Variants in ZFPM2 observed in about 807,000 individuals in gnomAD.
ZFPM2 encodes zinc finger protein ZFPM2.
Under a neutral mutation model 98.6 loss-of-function variants are expected in ZFPM2, and 20 were observed. The observed-to-expected ratio is 0.20, with a 90% CI of 0.14 to 0.29. The LOEUF (loss-of-function observed/expected upper bound fraction) is 0.29, where lower values mean the gene tolerates loss of function less well. Ranked by LOEUF, ZFPM2 falls within the 10% of genes least tolerant of loss-of-function variation. ZFPM2 has a pLI of 1.00. For missense variants in ZFPM2, 1,310 were observed against 1,388.6 expected, an observed-to-expected ratio of 0.94 and a Z score of 0.90; for synonymous variants, 518 against 502.7, an observed-to-expected ratio of 1.03 and a Z score of -0.41.
chr8:105,549,518 T>TCTTCCTTCCTTC (rs766530405), intron 3 of ZFPM2, among the ~76,000 whole-genome samples: 2,082 of 48,472 alleles, frequency 0.043, 68 homozygotes, highest in African/African-American at 0.11. Flanking sequence ...CTCCCTCCCA[T>TCTTCCTTCCTTC]CTTCCTTCCT....
intron 3 of ZFPM2, chr8:105,451,537 A>G (rs1342387265): frequency 6.6e-6 from 1 of 152,200 alleles, no homozygotes; most frequent in Non-Finnish European, 1.5e-5. Context: ...TTAATCCAGT[A>G]TAACTGCTCT....
At chr8:105,596,414 A>G (rs1246702500) in intron 4 of ZFPM2, among the ~76,000 whole-genome samples, 4 of 152,066 alleles carry the variant, frequency 2.6e-5, no homozygotes, top group Admixed American at 6.6e-5. Flanking sequence ...TGAAAGTTAC[A>G]TATTTCTCCA....
intron 4 of ZFPM2, among the ~76,000 whole-genome samples, chr8:105,632,730 A>G (rs1816776439): frequency 6.6e-6 from 1 of 152,182 alleles, no homozygotes; most frequent in Non-Finnish European, 1.5e-5. Flanking sequence ...TCTTTTTCGC[A>G]AGGCTTTTAG....
chr8:105,385,000 T>C (rs1389727311), intron 1 of ZFPM2, among the ~76,000 whole-genome samples: 1 of 152,224 alleles, frequency 6.6e-6, no homozygotes, highest in Non-Finnish European at 1.5e-5. Context: ...TTATTGTCTC[T>C]GTTTTATCGA....
intron 1 of ZFPM2, among the ~76,000 whole-genome samples, chr8:105,384,907 C>T (rs1810953896): frequency 6.6e-6 from 1 of 152,146 alleles, no homozygotes; most frequent in African/African-American, 2.4e-5. Context: ...ACAGTGCTCA[C>T]TGTGTCCCAA....
intron 1 of ZFPM2, among the ~76,000 whole-genome samples, chr8:105,333,436 A>T (rs1434762498): frequency 6.6e-6 from 1 of 151,776 alleles, no homozygotes; most frequent in Non-Finnish European, 1.5e-5. Context: ...ATTCATATGC[A>T]TTAGCTTAGT....
chr8:105,651,654 C>T (rs1817179489), intron 5 of ZFPM2, among the ~76,000 whole-genome samples: 1 of 152,070 alleles, frequency 6.6e-6, no homozygotes, highest in African/African-American at 2.4e-5. Flanking sequence ...AGATCCAGCC[C>T]AGGGTGGGTA....
At chr8:105,395,135 A>G (rs554502598) in intron 1 of ZFPM2, among the ~76,000 whole-genome samples, 3 of 152,294 alleles carry the variant, frequency 2.0e-5, no homozygotes, top group African/African-American at 7.2e-5. Flanking sequence ...TCTGCAAAGA[A>G]TGTCCCCAGG....
chr8:105,352,875 A>G (rs1419771282), intron 1 of ZFPM2, among the ~76,000 whole-genome samples: 2 of 152,000 alleles, frequency 1.3e-5, no homozygotes, highest in African/African-American at 2.4e-5. Context: ...CAGCTAACCT[A>G]CCTACCTACC....
intron 3 of ZFPM2, among the ~76,000 whole-genome samples, chr8:105,537,178 G>A (rs1287844687): frequency 1.3e-5 from 2 of 151,542 alleles, no homozygotes; most frequent in African/African-American, 2.4e-5. Flanking sequence ...TGACCCAGTC[G>A]TGCCAGTGAT....
At chr8:105,577,089 A>C in intron 4 of ZFPM2, among the ~76,000 whole-genome samples, 1 of 152,204 alleles carries the variant, frequency 6.6e-6, no homozygotes, top group East Asian at 1.9e-4. Context: ...TTCTTTCTTT[A>C]ATGTTTTGTA....
chr8:105,786,129 A>C (rs942384429), intron 5 of ZFPM2, among the ~76,000 whole-genome samples: 1 of 150,670 alleles, frequency 6.6e-6, no homozygotes, highest in Non-Finnish European at 1.5e-5. Context: ...TGACTTTTCT[A>C]TAATTCTTAA....
chr8:105,512,929 T>G (rs1180027639), intron 3 of ZFPM2, among the ~76,000 whole-genome samples: 1 of 152,190 alleles, frequency 6.6e-6, no homozygotes, highest in African/African-American at 2.4e-5. Context: ...TTTTTCACCT[T>G]TTAAATGTAG....
intron 4 of ZFPM2, among the ~76,000 whole-genome samples, chr8:105,596,487 T>C (rs1401117907): frequency 1.3e-5 from 2 of 152,056 alleles, no homozygotes; most frequent in African/African-American, 4.8e-5. Flanking sequence ...TGTTCTGGTA[T>C]GCCATACCTA....
chr8:105,745,685 G>T (rs1216254923), intron 5 of ZFPM2, among the ~76,000 whole-genome samples: 1 of 152,186 alleles, frequency 6.6e-6, no homozygotes, highest in East Asian at 1.9e-4. Flanking sequence ...GTTCATCCCA[G>T]TTGTGATTTT....
At chr8:105,362,309 G>A (rs1810418549) in intron 1 of ZFPM2, among the ~76,000 whole-genome samples, 1 of 151,932 alleles carries the variant, frequency 6.6e-6, no homozygotes, top group Non-Finnish European at 1.5e-5. Flanking sequence ...ATATTGTGAG[G>A]TGACAATAAC....
At chr8:105,432,160 A>G (rs1358201439) in intron 2 of ZFPM2, among the ~76,000 whole-genome samples, 1 of 152,134 alleles carries the variant, frequency 6.6e-6, no homozygotes, top group Non-Finnish European at 1.5e-5. Flanking sequence ...AGAGGAAGAT[A>G]AATGTTCTGA....
In ZFPM2 at chr8:105,377,607, C is replaced by CAAA. The variant is rs36124912; in HGVS notation, c.41-41513_41-41511dup. 1.8e-3 allele frequency among the ~76,000 whole-genome samples: 115 copies of CAAA among 63,874 alleles called. 34 individuals are homozygous for CAAA. The highest frequency in any genetic ancestry group is 6.3e-3 in the African/African-American group (105 of 16,590). The allele number at this position is 63,874 out of a possible 152,430, so 41.9% of individuals were successfully genotyped here. A position where few individuals can be genotyped will look rare whatever the true frequency, so the allele number is the denominator to read the frequency against. On this transcript the variant is annotated intron_variant, in intron 1 of 7. Transcript: ENST00000407775. The stretch of plus-strand genomic sequence containing the variant: ...CAAAACCCCGTTTTTCTTAAAAATC[C>CAAA]AAAAAAAAAAAAAAAAAAAAAAAAA...
rs1813343920 is a variant in ZFPM2, at chr8:105,490,907, A to G, written c.301+46526A>G. Among the ~76,000 whole-genome samples, 5 of 152,338 alleles carry G rather than the reference A, an allele frequency of 3.3e-5. No individual in the cohort carries two copies. In the South Asian group the frequency reaches 1.0e-3, roughly 32 times the overall value. ...TGAAAAATAAGGCTTTTAAAGGACAATATTTAAAAATATGTACTCAAAATT... is the reference window on the plus strand; with the variant it reads ...TGAAAAATAAGGCTTTTAAAGGACAGTATTTAAAAATATGTACTCAAAATT... On this transcript the variant is annotated intron_variant, in intron 3 of 7. Coordinates refer to ENST00000407775, the MANE Select transcript of ZFPM2 (RefSeq NM_012082.4).
Sources: gnomAD v4.1 joint callset for allele counts (sites outside exome capture counted in the v4.1 genomes callset) on GRCh38, gnomAD v4.1.1 for gene constraint, MANE v1.5 for transcripts, NCBI Gene and HGNC (gene_info 2026-07-23, HGNC 2026-07-21) for gene names.